CNTNAP2: variants seen among roughly 807,000 people sequenced by gnomAD.
The protein encoded by CNTNAP2 is contactin associated protein 2, also known as contactin-associated protein-like 2.
A neutral mutation model predicts 155.2 loss-of-function variants in CNTNAP2; 98 were observed. The observed-to-expected ratio is 0.63, with a 90% confidence interval of 0.54 to 0.75. The LOEUF (loss-of-function observed/expected upper bound fraction) is 0.75. Among genes scored for constraint, CNTNAP2 ranks in the 30% least tolerant of loss-of-function variants. The pLI is 0.00. For synonymous variants in CNTNAP2, 651 were observed against 631.2 expected, an observed-to-expected ratio of 1.03 and a Z score of -0.47; for missense variants, 1,727 against 1,688.1, an observed-to-expected ratio of 1.02 and a Z score of -0.40.
At chr7:147,357,647 A>C (rs549336028) in intron 9 of CNTNAP2, among the ~76,000 whole-genome samples, 27 of 151,856 alleles carry the variant, frequency 1.8e-4, no homozygotes, top group Non-Finnish European at 3.8e-4. Flanking sequence ...CGTGTGACTT[A>C]CTCTCCTGGA....
chr7:147,210,281 T>G (rs371695752), intron 8 of CNTNAP2, among the ~76,000 whole-genome samples: 11 of 152,022 alleles, frequency 7.2e-5, no homozygotes, highest in African/African-American at 2.7e-4. Flanking sequence ...AATTTGATAT[T>G]GGTTTGTTAA....
intron 11 of CNTNAP2, among the ~76,000 whole-genome samples, chr7:147,534,082 G>A (rs1042028778): frequency 6.6e-6 from 1 of 152,182 alleles, no homozygotes; most frequent in East Asian, 1.9e-4. Flanking sequence ...GGCTCAACCT[G>A]ATTTTGGGGC....
chr7:147,679,845 A>C (rs1331455720), intron 13 of CNTNAP2, among the ~76,000 whole-genome samples: 1 of 152,010 alleles, frequency 6.6e-6, no homozygotes, highest in Non-Finnish European at 1.5e-5. Flanking sequence ...ACTCCTTAAA[A>C]ATAAACCCCA....
intron 4 of CNTNAP2, among the ~76,000 whole-genome samples, chr7:147,054,348 C>G (rs887901721): frequency 6.6e-6 from 1 of 152,110 alleles, no homozygotes; most frequent in Non-Finnish European, 1.5e-5. Flanking sequence ...ATAAACATAA[C>G]TCAAGCTTTA....
Position 147,424,012 on chromosome 7 carries a change from A to G in CNTNAP2, c.1670+28232A>G, listed in dbSNP as rs974177835. Among the ~76,000 whole-genome samples, 41 of 152,160 alleles carry G rather than the reference A, an allele frequency of 2.7e-4. 1 individual carries two copies. The highest frequency in any genetic ancestry group is 9.7e-4 in the African/African-American group (40 of 41,442). ...GTGCTTCAGCATCTCCCTGGGGGGA[A>G]GAATGGAAGAATGTGGCTGGGGAAA... is the stretch of plus-strand genomic sequence containing the variant. On this transcript the variant is annotated intron_variant, in intron 10 of 23. Coordinates refer to ENST00000361727, the MANE Select transcript of CNTNAP2 (RefSeq NM_014141.6).
At chr7:148,287,890 C>A (rs1192510003) in intron 21 of CNTNAP2, among the ~76,000 whole-genome samples, 1 of 147,202 alleles carries the variant, frequency 6.8e-6, no homozygotes. Flanking sequence ...CTCCCGGGTT[C>A]AATTGATTCT....
At chr7:147,149,254 T>A (rs1417125074) in intron 8 of CNTNAP2, among the ~76,000 whole-genome samples, 1 of 152,184 alleles carries the variant, frequency 6.6e-6, no homozygotes, top group Non-Finnish European at 1.5e-5. Context: ...TTCTGATTGA[T>A]GCATTTACAA....
chr7:148,152,787 G>A (rs1057236540), intron 17 of CNTNAP2, among the ~76,000 whole-genome samples: 10 of 152,080 alleles, frequency 6.6e-5, no homozygotes, highest in East Asian at 3.9e-4. Context: ...TTGGGAGGCC[G>A]AGATGGGGGG....
chr7:147,557,304 A>C (rs1331791167), intron 11 of CNTNAP2, among the ~76,000 whole-genome samples: 5 of 152,138 alleles, frequency 3.3e-5, no homozygotes, highest in Non-Finnish European at 7.4e-5. Context: ...TCACTGTCTA[A>C]ATTTTTGCAT....
intron 1 of CNTNAP2, among the ~76,000 whole-genome samples, chr7:146,730,551 T>A (rs1328764253): frequency 2.6e-5 from 4 of 152,170 alleles, no homozygotes; most frequent in African/African-American, 9.7e-5. Flanking sequence ...CCCCCTTTTA[T>A]TTTCTTTTAC....
intron 9 of CNTNAP2, among the ~76,000 whole-genome samples, chr7:147,337,112 T>C (rs1023086992): frequency 6.6e-6 from 1 of 152,172 alleles, no homozygotes; most frequent in East Asian, 1.9e-4. Flanking sequence ...ATCAGTCCAC[T>C]TGCATAAGTC....
intron 1 of CNTNAP2, among the ~76,000 whole-genome samples, chr7:146,676,328 C>T (rs1800397382): frequency 6.6e-6 from 1 of 151,990 alleles, no homozygotes; most frequent in African/African-American, 2.4e-5. Flanking sequence ...AAAGAAGAAA[C>T]TGAGGTGAAA....
At chr7:148,184,203 G>A (rs1309640437) in intron 18 of CNTNAP2, among the ~76,000 whole-genome samples, 4 of 152,256 alleles carry the variant, frequency 2.6e-5, no homozygotes, top group South Asian at 4.1e-4. Context: ...GGAGGCTGAG[G>A]CAGGATTGCT....
chr7:148,268,519 G>A (rs925678417), intron 21 of CNTNAP2, among the ~76,000 whole-genome samples: 1 of 152,102 alleles, frequency 6.6e-6, no homozygotes, highest in Admixed American at 6.5e-5. Flanking sequence ...GACGGGCGTG[G>A]TGGTGGGCGT....
At chr7:146,528,474 A>G (rs1797722774) in intron 1 of CNTNAP2, among the ~76,000 whole-genome samples, 1 of 152,206 alleles carries the variant, frequency 6.6e-6, no homozygotes, top group African/African-American at 2.4e-5. Context: ...CTCAGAAGTT[A>G]CCATTAGTAA....
In CNTNAP2 at chr7:148,149,967, A is replaced by C. The variant is rs186907393; in HGVS notation, c.2773+2258A>C. Among the ~76,000 whole-genome samples the C allele has an allele frequency of 3.5e-3, 530 of 152,290 alleles. 6 individuals are homozygous for C. The highest frequency in any genetic ancestry group is 3.6e-3 in the Non-Finnish European group (248 of 68,026). On this transcript the variant is annotated intron_variant, in intron 17 of 23. Coordinates refer to ENST00000361727, the MANE Select transcript of CNTNAP2 (RefSeq NM_014141.6). ...TTCTTTTGACTAGAAAATAGTCTCTAGTCCCAGTTTCTAATTCCTGTCACC... is the reference window on the plus strand; with the variant it reads ...TTCTTTTGACTAGAAAATAGTCTCTCGTCCCAGTTTCTAATTCCTGTCACC...
At chr7:147,644,802 T>C (rs989173173) in intron 13 of CNTNAP2, among the ~76,000 whole-genome samples, 2 of 152,252 alleles carry the variant, frequency 1.3e-5, no homozygotes, top group Non-Finnish European at 2.9e-5. Flanking sequence ...TTTGTGTATC[T>C]TACATACATT....
chr7:147,830,126 T>C (rs1452126109), intron 13 of CNTNAP2, among the ~76,000 whole-genome samples: 2 of 151,366 alleles, frequency 1.3e-5, no homozygotes, highest in East Asian at 2.0e-4. Context: ...GTGAGTGGCT[T>C]GGAGTACGTA....
chr7:147,902,649 T>A (rs1226694695), intron 13 of CNTNAP2, among the ~76,000 whole-genome samples: 1 of 152,310 alleles, frequency 6.6e-6, no homozygotes, highest in East Asian at 1.9e-4. Context: ...TGAGTGAGAA[T>A]ATACAATATT....
Sources: allele counts gnomAD v4.1 joint callset (sites outside exome capture counted in the v4.1 genomes callset), GRCh38; gene constraint gnomAD v4.1.1; transcripts MANE v1.5; gene names NCBI Gene and HGNC (gene_info 2026-07-23, HGNC 2026-07-21).